The following RYR3 variants were observed in gnomAD, a reference collection of about 807,000 sequenced individuals.
The protein encoded by RYR3 is ryanodine receptor 3.
A neutral mutation model predicts 584.3 loss-of-function variants in RYR3; 207 were observed. That is an observed-to-expected ratio of 0.35 (90% CI 0.32 to 0.40). RYR3 has a LOEUF of 0.40. Among genes scored for constraint, RYR3 ranks in the 10% least tolerant of loss-of-function variants. The probability of loss-of-function intolerance (pLI) is 1.00; values close to 1 mark genes in which losing one functional copy is unlikely to be tolerated. For synonymous variants in RYR3, 2,416 were observed against 2,248.5 expected (o/e 1.07, Z -2.11); for missense variants, 5,616 against 6,089.2 (o/e 0.92, Z 2.59).
chr15:33,789,651 TATATATA>T (rs1201190999), intron 67 of RYR3, among the ~76,000 whole-genome samples: 2 of 30,188 alleles, frequency 6.6e-5, no homozygotes, highest in African/African-American at 1.2e-4. Context: ...TATATATATA[TATATATA>T]TTTTTTTTTT....
chr15:33,633,209 C>T (rs754053233), intron 24 of RYR3, 101 bp downstream of exon 24: 13 of 1,207,270 alleles, frequency 1.1e-5, no homozygotes, highest in African/African-American at 1.5e-5. Context: ...AAGAGTTTGC[C>T]TTTGCACTCT....
At chr15:33,694,307 C>T (rs1374707344) in intron 38 of RYR3, among the ~76,000 whole-genome samples, 4 of 151,126 alleles carry the variant, frequency 2.6e-5, no homozygotes, top group Non-Finnish European at 5.9e-5. Context: ...TGCAGTGGTG[C>T]AATCTCAGCT....
At chr15:33,511,740 A>T (rs2053030949) in intron 3 of RYR3, among the ~76,000 whole-genome samples, 1 of 152,102 alleles carries the variant, frequency 6.6e-6, no homozygotes, top group Non-Finnish European at 1.5e-5. Context: ...CTGTGGACTC[A>T]TTTTTTATTT....
At chr15:33,684,112 G>A (rs148802069) in intron 38 of RYR3, among the ~76,000 whole-genome samples, 154 of 152,402 alleles carry the variant, frequency 1.0e-3, no homozygotes, top group African/African-American at 3.5e-3. Flanking sequence ...GTCCCTGTCT[G>A]ACAGCTCCGA....
At chr15:33,819,711 T>TAAAA in intron 76 of RYR3, 45 bp from the exon 77 acceptor site, 1 of 882,342 alleles carries the variant, frequency 1.1e-6, no homozygotes, top group Non-Finnish European at 1.6e-6. Flanking sequence ...AATAAATAAA[T>TAAAA]AAATAAATAA....
At chr15:33,571,169 A>G (rs748272667) in intron 12 of RYR3, among the ~76,000 whole-genome samples, 1 of 143,064 alleles carries the variant, frequency 7.0e-6, no homozygotes, top group Non-Finnish European at 1.5e-5. Flanking sequence ...GGGTGGGGAC[A>G]GGGTGGGAAA....
chr15:33,820,573 G>T, intron 77 of RYR3, 183 bp from the exon 78 acceptor site: 1 of 575,034 alleles, frequency 1.7e-6, no homozygotes, highest in Non-Finnish European at 3.1e-6. Flanking sequence ...TAACTGCGAA[G>T]ATGGCATTTA....
At chr15:33,465,865 A>C (rs2048446062) in intron 1 of RYR3, 1 of 500,554 alleles carries the variant, frequency 2.0e-6, no homozygotes, top group Non-Finnish European at 4.0e-6. Flanking sequence ...CATGACCTCA[A>C]GATGTTTCTC....
chr15:33,472,513 G>T (rs534756138), intron 1 of RYR3, among the ~76,000 whole-genome samples: 4 of 152,128 alleles, frequency 2.6e-5, no homozygotes. Context: ...GGTCACTTCC[G>T]TAACTTAACC....
In RYR3 at chr15:33,581,499, C is replaced by T. The variant is rs764582162; in HGVS notation, c.1438-9C>T. 2 of 1,612,890 alleles carry T rather than the reference C, an allele frequency of 1.2e-6. No homozygotes were observed. Among genetic ancestry groups the T allele is most frequent in the Non-Finnish European group, 1.7e-6 (2 of 1,179,084 alleles). On this transcript the variant is annotated splice_polypyrimidine_tract_variant and intron_variant, in intron 13 of 103. Coordinates refer to ENST00000634891, the MANE Select transcript of RYR3 (RefSeq NM_001036.6). ...CAATGTTTACATTTTCCTCCACTCT[C>T]CTTCTCAGGGAATGTTGGCCCTTGT... is the stretch of plus-strand genomic sequence containing the variant.
Position 33,667,311 on chromosome 15 carries a change from G to A in RYR3, c.5620-2043G>A, listed in dbSNP as rs150287211. Among the ~76,000 whole-genome samples, 593 of 152,276 alleles carry A rather than the reference G, an allele frequency of 3.9e-3. 2 individuals are homozygous for A. The highest frequency in any genetic ancestry group is 0.014 in the African/African-American group (572 of 41,548). ...TCCAGGTGTTCAATGACCTGGGGTC[G>A]TGGCCCTATAGGCAGAATTCAGAGA... On this transcript the variant is annotated intron_variant, in intron 36 of 103. Transcript: ENST00000634891.
chr15:33,471,594 TAAAA>T (rs3084420), intron 1 of RYR3, among the ~76,000 whole-genome samples: 1,459 of 142,136 alleles, frequency 0.01, 23 homozygotes, highest in African/African-American at 0.036. Flanking sequence ...CATGCCTTTG[TAAAA>T]AAAAAAAAAA....
intron 17 of RYR3, among the ~76,000 whole-genome samples, chr15:33,601,842 C>A (rs2059678821): frequency 6.6e-6 from 1 of 152,232 alleles, no homozygotes; most frequent in Admixed American, 6.5e-5. Flanking sequence ...TTCTTTTAAA[C>A]AGTAATGCAA....
intron 1 of RYR3, among the ~76,000 whole-genome samples, chr15:33,410,372 C>T (rs1027428273): frequency 1.3e-5 from 2 of 152,212 alleles, no homozygotes; most frequent in African/African-American, 4.8e-5. Context: ...AATGAACAGG[C>T]AGGTAGCCTC....
chr15:33,862,724 C>T (rs1223071481), intron 102 of RYR3, among the ~76,000 whole-genome samples: 1 of 152,164 alleles, frequency 6.6e-6, no homozygotes, highest in African/African-American at 2.4e-5. Flanking sequence ...GATTCTCCTG[C>T]CTCAGCCTCC....
intron 60 of RYR3, among the ~76,000 whole-genome samples, chr15:33,759,926 G>A (rs145367521): frequency 0.015 from 2,102 of 141,804 alleles, 28 homozygotes; most frequent in Middle Eastern, 0.027. Context: ...AAGCCCATCA[G>A]ACTAACAGTA....
intron 1 of RYR3, among the ~76,000 whole-genome samples, chr15:33,383,337 G>A (rs184596558): frequency 6.7e-6 from 1 of 148,452 alleles, no homozygotes; most frequent in African/African-American, 2.5e-5. Context: ...ATAGAAAAAG[G>A]CCAGAAAAAT....
chr15:33,399,383 A>G (rs1389536856), intron 1 of RYR3, among the ~76,000 whole-genome samples: 1 of 152,168 alleles, frequency 6.6e-6, no homozygotes, highest in Non-Finnish European at 1.5e-5. Context: ...TCGTGCCTGT[A>G]CAATCCCAGA....
At chr15:33,732,451 A>T (rs1167724408) in intron 48 of RYR3, among the ~76,000 whole-genome samples, 1 of 150,950 alleles carries the variant, frequency 6.6e-6, no homozygotes, top group Non-Finnish European at 1.5e-5. Flanking sequence ...GAAAGAAAAA[A>T]CCTCCAGTCA....
Sources: gnomAD v4.1 joint callset for allele counts (sites outside exome capture counted in the v4.1 genomes callset) on GRCh38, gnomAD v4.1.1 for gene constraint, MANE v1.5 for transcripts, NCBI Gene and HGNC (gene_info 2026-07-23, HGNC 2026-07-21) for gene names.